DNAH9: variants seen among roughly 807,000 people sequenced by gnomAD.
DNAH9 encodes the protein DNAH9 variant protein.
Under a neutral mutation model 471.6 loss-of-function variants are expected in DNAH9, and 345 were observed. That is an observed-to-expected ratio of 0.73 (90% CI 0.67 to 0.80). DNAH9 has a LOEUF of 0.80. DNAH9 is among the 30% of genes least tolerant of loss of function. The pLI, the probability that DNAH9 is intolerant of heterozygous loss-of-function variation, is 0.00. For missense variants in DNAH9, 5,407 were observed against 5,609.2 expected (o/e 0.96, Z 1.15); for synonymous variants, 2,093 against 2,123.6 (o/e 0.99, Z 0.40).
At chr17:11,805,007 T>C (rs1373988064) in intron 43 of DNAH9, among the ~76,000 whole-genome samples, 1 of 150,394 alleles carries the variant, frequency 6.6e-6, no homozygotes, top group African/African-American at 2.5e-5. Context: ...TGAGCTGAGA[T>C]CCCACCATTA....
chr17:11,699,972 T>G (rs972189452), intron 23 of DNAH9, 89 bp downstream of exon 23: 7 of 1,381,018 alleles, frequency 5.1e-6, no homozygotes, highest in Non-Finnish European at 7.0e-6. Context: ...AGGAGGGCCT[T>G]TCTGACCTTG....
At position 11,969,418 on chromosome 17, in the gene DNAH9, A is replaced by G; in HGVS notation, c.13352A>G (p.Tyr4451Cys). The change falls in exon 69 of 69, where the codon TAC becomes TGC. Residue 4451 changes from tyrosine (Y) to cysteine (C), a missense_variant. Physicochemically the swap from Tyr to Cys is radical, Grantham distance 194. Transcript: ENST00000262442. ...CGCAGTGTCTATTCCTGTCCTGTGT[A>G]CAAGACTAGTCAGCGGGGACCCACC... ...DCRSVYSCPV[Y>C]KTSQRGPTYV... 1 of 1,614,114 alleles carries G rather than the reference A, an allele frequency of 6.2e-7. No individual in the cohort carries two copies. Among genetic ancestry groups the G allele is most frequent in the Non-Finnish European group, 8.5e-7 (1 of 1,180,028 alleles).
At chr17:11,836,594 T>C (rs1011867364) in intron 49 of DNAH9, among the ~76,000 whole-genome samples, 3 of 152,198 alleles carry the variant, frequency 2.0e-5, no homozygotes, top group African/African-American at 7.2e-5. Context: ...GGCTTCTCTC[T>C]GGCCCCTCAC....
intron 38 of DNAH9, among the ~76,000 whole-genome samples, chr17:11,775,176 A>T (rs1443776239): frequency 6.6e-6 from 1 of 152,190 alleles, no homozygotes; most frequent in Non-Finnish European, 1.5e-5. Context: ...TTTGAGATTT[A>T]TCCATGTTGT....
At chr17:11,754,118 C>G (rs1422029569) in intron 33 of DNAH9, among the ~76,000 whole-genome samples, 1 of 141,390 alleles carries the variant, frequency 7.1e-6, no homozygotes, top group Non-Finnish European at 1.5e-5. Flanking sequence ...TGGCCTCCAG[C>G]TCCATTCATG....
At chr17:11,647,243 T>C (rs747784230) in intron 12 of DNAH9, 45 bp downstream of exon 12, 2 of 1,570,266 alleles carry the variant, frequency 1.3e-6, no homozygotes, top group Non-Finnish European at 1.7e-6. Context: ...CTGAAGAGTT[T>C]CTTTGAACTC....
chr17:11,710,006 T>G (rs182547902), intron 26 of DNAH9, among the ~76,000 whole-genome samples: 20 of 152,270 alleles, frequency 1.3e-4, no homozygotes, highest in Admixed American at 5.2e-4. Flanking sequence ...ATGTTTTTGC[T>G]GGAGAAAATT....
At chr17:11,762,788 T>TTTTTTTTTTTTTTTTTTTTTTTTTTG (rs1597610213) in intron 35 of DNAH9, among the ~76,000 whole-genome samples, 1 of 121,184 alleles carries the variant, frequency 8.3e-6, no homozygotes, top group Non-Finnish European at 1.7e-5. Context: ...TTTTTTTTTT[T>TTTTTTTTTTTTTTTTTTTTTTTTTTG]TTTTTTTTTG....
intron 54 of DNAH9, 59 bp from the exon 55 acceptor site, chr17:11,881,150 G>T: frequency 6.4e-7 from 1 of 1,556,226 alleles, no homozygotes; most frequent in Non-Finnish European, 8.9e-7. Context: ...CTCAAATTCT[G>T]ACCCCAACCA....
chr17:11,863,232 C>G (rs570658586), intron 50 of DNAH9, among the ~76,000 whole-genome samples: 284 of 152,128 alleles, frequency 1.9e-3, no homozygotes, highest in South Asian at 0.01. Context: ...TAGCATGAAG[C>G]GTTGTTGAAT....
chr17:11,939,269 A>C (rs1318297284), intron 66 of DNAH9, among the ~76,000 whole-genome samples: 1 of 152,176 alleles, frequency 6.6e-6, no homozygotes, highest in Non-Finnish European at 1.5e-5. Flanking sequence ...CAGAATGAAT[A>C]ATGTTCCTAG....
intron 60 of DNAH9, among the ~76,000 whole-genome samples, chr17:11,903,700 AGGAGTTTGAGACCAG>A (rs1973490265): frequency 6.6e-6 from 1 of 152,084 alleles, no homozygotes; most frequent in African/African-American, 2.4e-5. Flanking sequence ...GCTTAAGGTC[AGGAGTTTGAGACCAG>A]CCTGGCCAAC....
In DNAH9 at chr17:11,629,285, T is replaced by C. The variant is rs1275091715; in HGVS notation, c.1351-132T>C. 1.1e-5 allele frequency: 6 copies of C among 556,076 alleles called. No homozygotes were observed. The Admixed American group carries it at 1.4e-4, about 13-fold the overall frequency. 34.4% of individuals were successfully genotyped at this position (556,076 alleles called of 1,614,324 possible). A position where few individuals can be genotyped will look rare whatever the true frequency, so the allele number is the denominator to read the frequency against. ...CACAACAGTCCCCAGAGTGTGATGT[T>C]CCCCTTCCTGTGTCCATGTGTTCTC... On this transcript the variant is annotated intron_variant, in intron 6 of 68. Coordinates refer to ENST00000262442, the MANE Select transcript of DNAH9 (RefSeq NM_001372.4).
intron 2 of DNAH9, among the ~76,000 whole-genome samples, chr17:11,610,083 A>G (rs2072601641): frequency 6.6e-6 from 1 of 152,222 alleles, no homozygotes. Flanking sequence ...GTATTCCTGC[A>G]TTGGCAGGAC....
At chr17:11,785,436 A>T (rs372022994) in intron 41 of DNAH9, among the ~76,000 whole-genome samples, 1 of 152,188 alleles carries the variant, frequency 6.6e-6, no homozygotes, top group African/African-American at 2.4e-5. Context: ...CAGAGCAATT[A>T]TGCAGGCAGG....
chr17:11,598,695 AG>A lies in DNAH9; in HGVS notation c.201del (p.Pro68ArgfsTer66). On this transcript the variant is annotated frameshift_variant, in exon 1 of 69. Coordinates refer to ENST00000262442, the MANE Select transcript of DNAH9 (RefSeq NM_001372.4). LOFTEE classifies it high-confidence loss of function. ...GCCTTCCTGGGCCGCGATGCTGCCG[AG>A]GGGCCGCGGCCGCTGCTGGTGGTGC... ...LQAFLGRDAAEGPRPLLVVRP... is the reference protein window; with the variant it reads ...LQAFLGRDAAXGPRPLLVVRP... 7.3e-7 allele frequency: 1 copy of A among 1,371,354 alleles called. No individual in the cohort carries two copies. The highest frequency in any genetic ancestry group is 9.4e-7 in the Non-Finnish European group (1 of 1,069,112). 84.9% of individuals were successfully genotyped at this position (1,371,354 alleles called of 1,614,324 possible). A position where few individuals can be genotyped will look rare whatever the true frequency, so the allele number is the denominator to read the frequency against.
chr17:11,880,347 C>T lies in DNAH9; in HGVS notation c.10601+147C>T, dbSNP rs1972670990. On this transcript the variant is annotated intron_variant, in intron 54 of 68. Coordinates refer to ENST00000262442, the MANE Select transcript of DNAH9 (RefSeq NM_001372.4). The stretch of plus-strand genomic sequence containing the variant: ...GCAGCACATCCACCTTTCTTTCTTC[C>T]AGCAGAGGTCTATTTAGTGGCCTTT... 13 of 1,056,030 alleles carry T rather than the reference C, an allele frequency of 1.2e-5. No individual in the cohort carries two copies. The South Asian group carries it at 2.5e-4, about 21-fold the overall frequency. 65.4% of individuals were successfully genotyped at this position (1,056,030 alleles called of 1,614,324 possible).
intron 67 of DNAH9, among the ~76,000 whole-genome samples, chr17:11,951,624 G>GA (rs1427857571): frequency 2.0e-5 from 3 of 150,990 alleles, no homozygotes; most frequent in Admixed American, 6.6e-5. Context: ...TATCTTGAGG[G>GA]AAAAAAAATT....
intron 24 of DNAH9, among the ~76,000 whole-genome samples, chr17:11,702,090 A>G (rs2074611391): frequency 6.6e-6 from 1 of 152,206 alleles, no homozygotes; most frequent in Non-Finnish European, 1.5e-5. Context: ...CTGAGATGTG[A>G]AGCAGGAGTT....
Sources: gnomAD v4.1 joint callset for allele counts (sites outside exome capture counted in the v4.1 genomes callset) on GRCh38, gnomAD v4.1.1 for gene constraint, MANE v1.5 for transcripts, NCBI Gene and HGNC (gene_info 2026-07-23, HGNC 2026-07-21) for gene names.